Variants in CHN1 observed in about 807,000 individuals in gnomAD.
CHN1 encodes chimerin 1.
A neutral mutation model predicts 59.5 loss-of-function variants in CHN1; 37 were observed. The ratio of observed to expected loss-of-function variants is 0.62; its 90% CI spans 0.48 to 0.82. The LOEUF is 0.82. Ranked by LOEUF, CHN1 falls within the 40% of genes least tolerant of loss-of-function variation. The probability of loss-of-function intolerance (pLI) is 0.00; values close to 1 mark genes in which losing one functional copy is unlikely to be tolerated. For synonymous variants in CHN1, 206 were observed against 200.4 expected (o/e 1.03, Z -0.24); for missense variants, 469 against 571.0 (o/e 0.82, Z 1.82).
intron 11 of CHN1, among the ~76,000 whole-genome samples, chr2:174,808,518 C>T (rs1684977141): frequency 6.6e-6 from 1 of 152,240 alleles, no homozygotes; most frequent in African/African-American, 2.4e-5. Flanking sequence ...CTCCTGACTT[C>T]AGGTGATCTG....
At chr2:174,987,768 G>A (rs550245631) in intron 1 of CHN1, among the ~76,000 whole-genome samples, 1 of 152,202 alleles carries the variant, frequency 6.6e-6, no homozygotes, top group South Asian at 2.1e-4. Context: ...TAAGTAAGGA[G>A]AAACTGCTTT....
intron 3 of CHN1, among the ~76,000 whole-genome samples, chr2:174,930,000 G>A (rs144488830): frequency 1.9e-4 from 29 of 152,316 alleles, no homozygotes; most frequent in African/African-American, 6.7e-4. Context: ...GCCCTAACAG[G>A]GTTCCAGGGG....
At chr2:174,941,110 A>G (rs988746513) in intron 3 of CHN1, among the ~76,000 whole-genome samples, 26 of 152,128 alleles carry the variant, frequency 1.7e-4, no homozygotes, top group African/African-American at 6.3e-4. Flanking sequence ...ATTCTTTTAG[A>G]TGTTCAAATT....
intron 6 of CHN1, among the ~76,000 whole-genome samples, chr2:174,848,522 A>C (rs1471716858): frequency 6.6e-6 from 1 of 152,176 alleles, no homozygotes; most frequent in Non-Finnish European, 1.5e-5. Context: ...CCAATGTTAC[A>C]CTGTATTTAA....
intron 1 of CHN1, among the ~76,000 whole-genome samples, chr2:174,975,015 T>C (rs895252443): frequency 6.6e-6 from 1 of 151,728 alleles, no homozygotes; most frequent in Admixed American, 6.6e-5. Context: ...AGGAAAATAA[T>C]GTATGTATTT....
intron 1 of CHN1, among the ~76,000 whole-genome samples, chr2:174,963,297 C>T (rs1203949994): frequency 2.0e-5 from 3 of 152,042 alleles, no homozygotes; most frequent in Non-Finnish European, 4.4e-5. Context: ...TGTCTAAATG[C>T]CTGGCAAGAA....
chr2:174,908,132 GTTC>G (rs1375843486), intron 5 of CHN1, among the ~76,000 whole-genome samples: 1 of 152,108 alleles, frequency 6.6e-6, no homozygotes, highest in African/African-American at 2.4e-5. Context: ...ATGTCACTTT[GTTC>G]TTCTCCCAAT....
intron 5 of CHN1, among the ~76,000 whole-genome samples, chr2:174,895,213 T>TATATACAC (rs755454217): frequency 7.0e-6 from 1 of 142,422 alleles, no homozygotes; most frequent in Non-Finnish European, 1.5e-5. Context: ...TATATATATA[T>TATATACAC]ACACACACAC....
In CHN1 at chr2:174,870,538, A is replaced by T. The variant is rs1208035696; in HGVS notation, c.549+7302T>A. 5.9e-5 allele frequency among the ~76,000 whole-genome samples: 9 copies of T among 152,254 alleles called. No individual in the cohort carries two copies. In the East Asian group the frequency reaches 1.7e-3, roughly 29 times the overall value. On this transcript the variant is annotated intron_variant, in intron 6 of 12. Transcript: ENST00000409900. ...AAAACGCATAAGATGAAAATTACAG[A>T]TCCAGAGTATGTGGTCTAAAGTGAG...
intron 3 of CHN1, among the ~76,000 whole-genome samples, chr2:174,940,689 G>C (rs1222376786): frequency 6.6e-6 from 1 of 152,118 alleles, no homozygotes; most frequent in Non-Finnish European, 1.5e-5. Context: ...GTGTTTCACT[G>C]TATCACTTCA....
intron 8 of CHN1, among the ~76,000 whole-genome samples, chr2:174,821,303 CCT>C (rs1337662635): frequency 2.0e-5 from 3 of 152,162 alleles, no homozygotes; most frequent in African/African-American, 2.4e-5. Context: ...CTGGCTCCTT[CCT>C]CTGTCTTCAA....
chr2:174,896,530 A>G (rs1688221610), intron 5 of CHN1, among the ~76,000 whole-genome samples: 1 of 152,172 alleles, frequency 6.6e-6, no homozygotes, highest in Non-Finnish European at 1.5e-5. Context: ...CTTAATATAT[A>G]TCTTTCAATG....
At position 174,801,691 on chromosome 2, in the gene CHN1, A is replaced by T; in HGVS notation, c.1208+16T>A. The T allele has an allele frequency of 6.3e-7, 1 of 1,594,736 alleles. No individual in the cohort carries two copies. Among genetic ancestry groups the T allele is most frequent in the Non-Finnish European group, 8.6e-7 (1 of 1,164,378 alleles). ...TGGATGCAATACAAGTGTAAGACTC[A>T]AAGTCTATAGCTTGCCTCTTTAGAT... On this transcript the variant is annotated intron_variant, in intron 12 of 12. Coordinates refer to ENST00000409900, the MANE Select transcript of CHN1 (RefSeq NM_001822.7).
At chr2:174,905,138 C>T (rs1227590302) in intron 5 of CHN1, among the ~76,000 whole-genome samples, 3 of 151,994 alleles carry the variant, frequency 2.0e-5, no homozygotes, top group African/African-American at 7.3e-5. Context: ...TTTGGTGACT[C>T]CAAATCATTC....
chr2:174,801,548 G>T (rs184629688), intron 12 of CHN1, among the ~76,000 whole-genome samples, 159 bp downstream of exon 12: 67 of 152,272 alleles, frequency 4.4e-4, no homozygotes, highest in Non-Finnish European at 7.9e-4. Context: ...AATATTTTTA[G>T]CATTCCTTCT....
intron 3 of CHN1, among the ~76,000 whole-genome samples, chr2:174,930,749 T>C (rs1019265459): frequency 1.5e-4 from 23 of 151,930 alleles, no homozygotes; most frequent in Admixed American, 1.4e-3. Context: ...CAAACAATTA[T>C]AGGAATTTAC....
intron 3 of CHN1, among the ~76,000 whole-genome samples, chr2:174,919,544 A>C (rs866041218): frequency 7.2e-5 from 11 of 152,338 alleles, no homozygotes; most frequent in Middle Eastern, 3.4e-3. Flanking sequence ...TGAATCCTCA[A>C]AATAAAATAG....
intron 1 of CHN1, among the ~76,000 whole-genome samples, chr2:175,003,735 A>G (rs1559018725): frequency 6.6e-6 from 1 of 152,268 alleles, no homozygotes. Flanking sequence ...GCACTTGGGC[A>G]CAGTAAACAC....
At chr2:174,862,697 T>C (rs138655019) in intron 6 of CHN1, among the ~76,000 whole-genome samples, 300 of 152,320 alleles carry the variant, frequency 2.0e-3, no homozygotes, top group Non-Finnish European at 3.6e-3. Flanking sequence ...TTTGTTTTCA[T>C]TGTCTCTTCT....
Sources: allele counts gnomAD v4.1 joint callset (sites outside exome capture counted in the v4.1 genomes callset), GRCh38; gene constraint gnomAD v4.1.1; transcripts MANE v1.5; gene names NCBI Gene and HGNC (gene_info 2026-07-23, HGNC 2026-07-21).